KLF8: variants seen among roughly 807,000 people sequenced by gnomAD.
The protein encoded by KLF8 is KLF transcription factor 8.
A neutral mutation model predicts 18.2 loss-of-function variants in KLF8; 10 were observed. The observed-to-expected ratio is 0.55, with a 90% confidence interval of 0.34 to 0.93. KLF8 has a LOEUF of 0.93. KLF8 is among the 40% of genes least tolerant of loss of function. KLF8 has a pLI of 0.02. For synonymous variants in KLF8, 109 were observed against 97.3 expected (o/e 1.12, Z -0.71); for missense variants, 264 against 277.9 (o/e 0.95, Z 0.36).
intron 5 of KLF8, among the ~76,000 whole-genome samples, chrX:56,282,792 G>A (rs2067218654): frequency 8.9e-6 from 1 of 111,944 alleles, no homozygotes; most frequent in African/African-American, 3.2e-5. Flanking sequence ...ACAGAAAAAT[G>A]TATTAAGAAG....
the KLF8 span, among the ~76,000 whole-genome samples, chrX:56,223,015 G>A: frequency 8.8e-6 from 1 of 113,124 alleles, no homozygotes; most frequent in Admixed American, 9.2e-5. Flanking sequence ...GCAGCAGCAG[G>A]CTGAAGGGCT....
At chrX:56,112,953 C>T in the KLF8 span, among the ~76,000 whole-genome samples, 2 of 111,187 alleles carry the variant, frequency 1.8e-5, no homozygotes, top group Non-Finnish European at 3.8e-5. Context: ...TGGCTCATGC[C>T]TGTAATCCTA....
the KLF8 span, among the ~76,000 whole-genome samples, chrX:56,090,700 G>A: frequency 4.1e-3 from 452 of 111,117 alleles, no homozygotes; most frequent in African/African-American, 0.014. Flanking sequence ...GGTTTATTAC[G>A]TGGATATATT....
chrX:56,186,126 A>G, the KLF8 span, among the ~76,000 whole-genome samples: 1 of 112,144 alleles, frequency 8.9e-6, no homozygotes, highest in Non-Finnish European at 1.9e-5. Context: ...GTATTCAGGA[A>G]ACCCATCTCA....
chrX:55,991,211 G>A, the KLF8 span, among the ~76,000 whole-genome samples: 14 of 112,024 alleles, frequency 1.2e-4, no homozygotes, highest in Non-Finnish European at 2.3e-4. Flanking sequence ...AATGGCAGGC[G>A]CCCTTCCCCA....
the KLF8 span, among the ~76,000 whole-genome samples, chrX:56,166,740 C>T: frequency 8.9e-6 from 1 of 111,800 alleles, no homozygotes; most frequent in African/African-American, 3.3e-5. Context: ...ACAGATTGTA[C>T]AGCTTTACTG....
chrX:56,182,303 CA>C, the KLF8 span, among the ~76,000 whole-genome samples: 1 of 112,431 alleles, frequency 8.9e-6, no homozygotes, highest in Non-Finnish European at 1.9e-5. Context: ...CCAAGGTTTT[CA>C]GCTCCATGAG....
chrX:55,972,175 G>A, the KLF8 span, among the ~76,000 whole-genome samples: 2 of 111,902 alleles, frequency 1.8e-5, no homozygotes, highest in South Asian at 3.7e-4. Flanking sequence ...TAAAGAAAAT[G>A]TGGTACATAT....
the KLF8 span, among the ~76,000 whole-genome samples, chrX:56,086,193 C>A: frequency 8.9e-6 from 1 of 111,926 alleles, no homozygotes; most frequent in African/African-American, 3.2e-5. Context: ...TAGAAATTGT[C>A]GGGAAGCAGA....
the KLF8 span, among the ~76,000 whole-genome samples, chrX:55,911,250 G>A: frequency 9.0e-6 from 1 of 111,370 alleles, no homozygotes; most frequent in African/African-American, 3.3e-5. Flanking sequence ...AGAAGAGCAG[G>A]GTGTGGTCTT....
chrX:55,990,635 C>G, the KLF8 span, among the ~76,000 whole-genome samples: 1 of 111,679 alleles, frequency 9.0e-6, no homozygotes, highest in Admixed American at 9.5e-5. Context: ...GTGGTTTTAT[C>G]TACATTTGGT....
the KLF8 span, among the ~76,000 whole-genome samples, chrX:55,914,544 C>T: frequency 8.9e-6 from 1 of 111,742 alleles, no homozygotes; most frequent in Admixed American, 9.5e-5. Flanking sequence ...GGCAAACTTG[C>T]CAAGTGAGAA....
At chrX:56,179,194 A>G in the KLF8 span, among the ~76,000 whole-genome samples, 1 of 111,930 alleles carries the variant, frequency 8.9e-6, no homozygotes, top group Non-Finnish European at 1.9e-5. Flanking sequence ...TTCTCTTTGA[A>G]GAGATCTTTC....
the KLF8 span, among the ~76,000 whole-genome samples, chrX:55,967,348 G>A: frequency 9.0e-6 from 1 of 110,956 alleles, no homozygotes; most frequent in African/African-American, 3.3e-5. Flanking sequence ...AATAAAAACA[G>A]GATTCTAAAA....
chrX:55,922,919 G>A, the KLF8 span, among the ~76,000 whole-genome samples: 1 of 111,871 alleles, frequency 8.9e-6, no homozygotes, highest in Non-Finnish European at 1.9e-5. Flanking sequence ...ACAGTGTGGC[G>A]ATTCCTCAAA....
At chrX:56,079,630 T>C in the KLF8 span, among the ~76,000 whole-genome samples, 5 of 111,901 alleles carry the variant, frequency 4.5e-5, no homozygotes, top group South Asian at 3.7e-4. Flanking sequence ...TGATTTGTGG[T>C]GGAGAGTTCT....
At chrX:56,171,270 C>T in the KLF8 span, among the ~76,000 whole-genome samples, 12 of 111,385 alleles carry the variant, frequency 1.1e-4, no homozygotes, top group South Asian at 3.7e-4. Flanking sequence ...AAGTTTAAAA[C>T]CAAGGGGATG....
At chrX:56,107,603 C>T in the KLF8 span, among the ~76,000 whole-genome samples, 139 of 111,586 alleles carry the variant, frequency 1.2e-3, no homozygotes, top group African/African-American at 4.3e-3. Context: ...GGGAGTTTCC[C>T]ATTTTTTCCA....
chrX:56,030,586 CAGT>C, the KLF8 span, among the ~76,000 whole-genome samples: 6 of 110,486 alleles, frequency 5.4e-5, no homozygotes, highest in African/African-American at 2.0e-4. Context: ...TCATCTATCC[CAGT>C]ATATTGCTGC....
Sources: allele counts gnomAD v4.1 joint callset (sites outside exome capture counted in the v4.1 genomes callset), GRCh38; gene constraint gnomAD v4.1.1; transcripts MANE v1.5; gene names NCBI Gene and HGNC (gene_info 2026-07-23, HGNC 2026-07-21).